The following SULT1A2 variants were observed in gnomAD, a reference collection of about 807,000 sequenced individuals.
SULT1A2 encodes sulfotransferase family 1A member 2.
A neutral mutation model predicts 36.0 loss-of-function variants in SULT1A2; 33 were observed. That is an observed-to-expected ratio of 0.92 (90% CI 0.69 to 1.22). SULT1A2 has a LOEUF of 1.22. Among genes scored for constraint, SULT1A2 ranks in the 50% most tolerant of loss-of-function variants. The pLI is 0.00. For synonymous variants in SULT1A2, 138 were observed against 144.5 expected (o/e 0.96, Z 0.32); for missense variants, 367 against 383.2 (o/e 0.96, Z 0.35).
rs780048234 is a variant in SULT1A2 at position 28,593,267 on chromosome 16, A to C, written c.579T>G (p.Tyr193Ter). ...SRTHPVLYLF[Y>*]EDMKENPKRE... ...GCGGTCTCACCTCCTTCATGTCTTC[A>C]TAGAAGAGGTAGAGAACAGGGTGGG... Residue 193 changes from tyrosine to a stop codon, truncating the protein, a stop_gained, in exon 6 of 8, where the codon TAT becomes TAG. Coordinates refer to ENST00000335715, the MANE Select transcript of SULT1A2 (RefSeq NM_001054.4). LOFTEE classifies it high-confidence loss of function. 1.9e-6 allele frequency: 3 copies of C among 1,613,894 alleles called. No individual in the cohort carries two copies. The highest frequency in any genetic ancestry group is 2.5e-6 in the Non-Finnish European group (3 of 1,180,014).
rs61736765 is a variant in SULT1A2 at position 28,593,533 on chromosome 16, C to T, written c.408G>A (p.Ala136=). The change falls in exon 5 of 8, where the codon GCG becomes GCA. Residue 136 remains alanine, a synonymous_variant. Transcript: ENST00000335715. ...VYVARNAKDV[A]VSYYHFYHMA... is the part of the protein sequence containing the mutation. ...TGTGGTAGAAGTGGTAGTAGGAAACCGCCACATCCTTTGCGTTGCGGGCAA... is the reference window on the plus strand; with the variant it reads ...TGTGGTAGAAGTGGTAGTAGGAAACTGCCACATCCTTTGCGTTGCGGGCAA... The T allele has an allele frequency of 2.6e-4, 418 of 1,613,940 alleles. No individual in the cohort carries two copies. Among genetic ancestry groups the T allele is most frequent in the Middle Eastern group, 3.3e-4 (2 of 6,082 alleles).
intron 1 of SULT1A2, 165 bp downstream of exon 1, chr16:28,596,832 A>G (rs1026068470): frequency 1.0e-4 from 19 of 181,456 alleles, no homozygotes; most frequent in South Asian, 8.2e-4. Flanking sequence ...GCCTCCCCGG[A>G]AAAAAAAAAA....
intron 1 of SULT1A2, chr16:28,596,775 G>A (rs551143821): frequency 3.5e-6 from 1 of 283,418 alleles, no homozygotes; most frequent in Admixed American, 4.8e-5. Flanking sequence ...CAAGGCTGCA[G>A]TGGCCAGGAT....
At chr16:28,593,613 C>T (rs540944763) in intron 4 of SULT1A2, 45 bp from the exon 5 acceptor site, 1 of 1,611,676 alleles carries the variant, frequency 6.2e-7, no homozygotes, top group Non-Finnish European at 8.5e-7. Context: ...ACCACACAGC[C>T]TGCCCCAGGC....
At position 28,592,288 on chromosome 16, in the gene SULT1A2, G is replaced by A. The variant is rs56385435; in HGVS notation, c.750C>T (p.His250=). The change falls in exon 7 of 8, where the codon CAC becomes CAT. Residue 250 remains histidine, a synonymous_variant. Coordinates refer to ENST00000335715, the MANE Select transcript of SULT1A2 (RefSeq NM_001054.4). Reference sequence around the variant, plus strand: ...CTTTCCTCATGAAGGGGGAGATGCTGTGGTCCATGAACTCCCGGCGGACGG... The same window carrying A: ...CTTTCCTCATGAAGGGGGAGATGCTATGGTCCATGAACTCCCGGCGGACGG... ...YTTVRREFMD[H]SISPFMRKGM... is the part of the protein sequence containing the mutation. The A allele has an allele frequency of 8.7e-6, 14 of 1,613,986 alleles. No homozygotes were observed. In the East Asian group the frequency reaches 2.2e-4, roughly 26 times the overall value.
chr16:28,594,770 C>CTTTTTTTTTTTTTTTTTTTTTTTTTTTT (rs1033591115), intron 4 of SULT1A2, among the ~76,000 whole-genome samples: 5 of 53,850 alleles, frequency 9.3e-5, no homozygotes, highest in Non-Finnish European at 1.8e-4. Flanking sequence ...CCACCTGCCG[C>CTTTTTTTTTTTTTTTTTTTTTTTTTTTT]TTTTTTTTTT....
chr16:28,594,308 T>C (rs926261539), intron 4 of SULT1A2, among the ~76,000 whole-genome samples: 2 of 152,052 alleles, frequency 1.3e-5, no homozygotes, highest in African/African-American at 4.8e-5. Context: ...GCCCTGCTGA[T>C]TATTTGCATC....
intron 1 of SULT1A2, chr16:28,596,368 C>A (rs762632): frequency 3.6e-6 from 4 of 1,116,650 alleles, no homozygotes; most frequent in Non-Finnish European, 4.4e-6. Context: ...AGGCTCCTCT[C>A]CCCGATGTTC....
At chr16:28,592,511 TCTC>T in intron 6 of SULT1A2, 68 bp from the exon 7 acceptor site, 1 of 1,609,592 alleles carries the variant, frequency 6.2e-7, no homozygotes. Context: ...GGGGTCCACT[TCTC>T]TAACCTCAGA....
intron 1 of SULT1A2, chr16:28,596,513 C>T (rs1280456194): frequency 1.6e-5 from 8 of 503,688 alleles, no homozygotes; most frequent in South Asian, 2.8e-5. Flanking sequence ...GTATTGGGGG[C>T]CAGAGCCTGA....
chr16:28,594,616 C>T (rs2047036919), intron 4 of SULT1A2, among the ~76,000 whole-genome samples: 2 of 151,728 alleles, frequency 1.3e-5, no homozygotes, highest in South Asian at 2.1e-4. Flanking sequence ...CAACGCCTGG[C>T]TAATTTTTGT....
intron 6 of SULT1A2, 122 bp from the exon 7 acceptor site, chr16:28,592,565 C>T: frequency 6.5e-7 from 1 of 1,547,864 alleles, no homozygotes; most frequent in Non-Finnish European, 8.8e-7. Context: ...ATAGAGCCAG[C>T]TCCTCGACCC....
Position 28,596,978 on chromosome 16 carries a change from A to G in SULT1A2, c.-5+19T>C, listed in dbSNP as rs1341047232. Reference sequence around the variant, plus strand: ...GAGCAGGGTGAGGGCGTCCTGGGCCATTCCGGTGTGTCACTCACCTGAGCT... The same window carrying G: ...GAGCAGGGTGAGGGCGTCCTGGGCCGTTCCGGTGTGTCACTCACCTGAGCT... On this transcript the variant is annotated intron_variant, in intron 1 of 7. Coordinates refer to ENST00000335715, the MANE Select transcript of SULT1A2 (RefSeq NM_001054.4). 1.6e-5 allele frequency: 20 copies of G among 1,252,740 alleles called. No homozygotes were observed. Among genetic ancestry groups the G allele is most frequent in the South Asian group, 6.5e-5 (5 of 76,540 alleles). 77.6% of individuals were successfully genotyped at this position (1,252,740 alleles called of 1,614,324 possible).
chr16:28,593,400 CA>C (rs745708191), intron 5 of SULT1A2, 41 bp downstream of exon 5: 623 of 1,614,134 alleles, frequency 3.9e-4, no homozygotes, highest in Admixed American at 6.7e-4. Flanking sequence ...TTGTAGCCAC[CA>C]CCCCTTAGCT....
rs757866327 is a variant in SULT1A2, at chr16:28,593,264, T to G, written c.582A>C (p.Glu194Asp). Reference sequence around the variant, plus strand: ...AAGGCGGTCTCACCTCCTTCATGTCTTCATAGAAGAGGTAGAGAACAGGGT... The same window carrying G: ...AAGGCGGTCTCACCTCCTTCATGTCGTCATAGAAGAGGTAGAGAACAGGGT... The part of the protein sequence containing the change: ...RTHPVLYLFY[E>D]DMKENPKREI... Residue 194 changes from glutamate (E) to aspartate (D), a missense_variant, in exon 6 of 8, where the codon GAA (glutamate) becomes GAC (aspartate). By Grantham distance (45) the Glu-to-Asp change is conservative. Transcript: ENST00000335715. 4.3e-6 allele frequency: 7 copies of G among 1,613,842 alleles called. No individual in the cohort carries two copies. In the South Asian group the frequency reaches 7.7e-5, roughly 18 times the overall value.
Position 28,597,032 on chromosome 16 carries a change from G to C in SULT1A2, c.-40C>G. On this transcript the variant is annotated 5_prime_UTR_variant, in exon 1 of 8. Coordinates refer to ENST00000335715, the MANE Select transcript of SULT1A2 (RefSeq NM_001054.4). ...GGGAACCTGGCCTTGTGCCCTCCTCGCCCGCAGTGGCTGAGTGTGGGTGTT... is the reference window on the plus strand; with the variant it reads ...GGGAACCTGGCCTTGTGCCCTCCTCCCCCGCAGTGGCTGAGTGTGGGTGTT... 7.8e-7 allele frequency: 1 copy of C among 1,283,108 alleles called. No individual in the cohort carries two copies. Among genetic ancestry groups the C allele is most frequent in the Non-Finnish European group, 1.0e-6 (1 of 983,346 alleles). 79.5% of individuals were successfully genotyped at this position (1,283,108 alleles called of 1,614,324 possible).
chr16:28,592,539 T>G, intron 6 of SULT1A2, 96 bp from the exon 7 acceptor site: 4 of 1,587,856 alleles, frequency 2.5e-6, no homozygotes, highest in Non-Finnish European at 3.4e-6. Context: ...AACTGGCCAC[T>G]TCCACTTCAA....
chr16:28,594,793 TTTTTG>T, intron 4 of SULT1A2, among the ~76,000 whole-genome samples: 1 of 143,522 alleles, frequency 7.0e-6, no homozygotes, highest in African/African-American at 2.7e-5. Flanking sequence ...TTTTTTTTTT[TTTTTG>T]AGACAGAGTT....
chr16:28,592,138 T>A lies in SULT1A2; in HGVS notation c.778A>T (p.Met260Leu). ...AAGGTGGTCTTCCAGTCCCCAGCCA[T>A]GCCTGGGGGAGGAAGGCAGGGAGCA... ...HSISPFMRKG[M>L]AGDWKTTFTV... Residue 260 changes from methionine to leucine, a missense_variant and splice_region_variant, in exon 8 of 8, where the codon ATG (methionine) becomes TTG (leucine). Coordinates refer to ENST00000335715, the MANE Select transcript of SULT1A2 (RefSeq NM_001054.4). 1 of 1,612,156 alleles carries A rather than the reference T, an allele frequency of 6.2e-7. No individual in the cohort carries two copies.
Sources: gnomAD v4.1 joint callset for allele counts (sites outside exome capture counted in the v4.1 genomes callset) on GRCh38, gnomAD v4.1.1 for gene constraint, MANE v1.5 for transcripts, NCBI Gene and HGNC (gene_info 2026-07-23, HGNC 2026-07-21) for gene names.